The following RAB17 variants were observed in gnomAD, a reference collection of about 807,000 sequenced individuals.
RAB17 encodes RAB17, member RAS oncogene family.
A neutral mutation model predicts 19.3 loss-of-function variants in RAB17; 15 were observed. The observed-to-expected ratio is 0.78, with a 90% CI of 0.52 to 1.20. The LOEUF is 1.20. Ranked by LOEUF, RAB17 falls within the 50% of genes most tolerant of loss-of-function variation. The probability of loss-of-function intolerance (pLI) is 0.00; values close to 1 mark genes in which losing one functional copy is unlikely to be tolerated. For missense variants in RAB17, 262 were observed against 269.3 expected (o/e 0.97, Z 0.19); for synonymous variants, 110 against 112.8 (o/e 0.97, Z 0.16).
chr2:237,588,564 G>A (rs2081368746), intron 1 of RAB17, among the ~76,000 whole-genome samples: 1 of 152,176 alleles, frequency 6.6e-6, no homozygotes, highest in African/African-American at 2.4e-5. Flanking sequence ...GAAGGGGAAA[G>A]GGTAGCGGGG....
rs755742741 is a variant in RAB17, at chr2:237,586,041, C to A, written c.114G>T (p.Arg38=). Residue 38 remains arginine (R), a synonymous_variant, in exon 2 of 6, where the codon CGG becomes CGT. Coordinates refer to ENST00000264601, the MANE Select transcript of RAB17 (RefSeq NM_022449.4). ...GSVGKSSLAL[R]YVKNDFKSIL... ...TACTCTTGAAGTCGTTCTTCACGTA[C>A]CGAAGAGCCAAGCTGGACTTACCCA... The A allele has an allele frequency of 3.7e-6, 6 of 1,613,288 alleles. No homozygotes were observed. The highest frequency in any genetic ancestry group is 3.3e-4 in the Middle Eastern group (2 of 6,054).
chr2:237,586,069 G>A lies in RAB17; in HGVS notation c.86C>T (p.Ser29Phe), dbSNP rs1243824687. ...VFKLVLLGSG[S>F]VGKSSLALRY... The stretch of plus-strand genomic sequence containing the variant: ...AAGAGCCAAGCTGGACTTACCCACG[G>A]AGCCACTTCCCAGGAGAACCAGCTT... The change falls in exon 2 of 6, where the codon TCC becomes TTC. Residue 29 changes from serine to phenylalanine, a missense_variant. Transcript: ENST00000264601. The A allele has an allele frequency of 2.5e-6, 4 of 1,613,580 alleles. No homozygotes were observed. In the Admixed American group the frequency reaches 6.7e-5, roughly 27 times the overall value.
intron 5 of RAB17, 95 bp downstream of exon 5, chr2:237,575,292 T>G (rs530959758): frequency 8.9e-7 from 1 of 1,126,252 alleles, no homozygotes; most frequent in East Asian, 2.5e-5. Context: ...CTAAAGACAT[T>G]CTATGGGATA....
intron 4 of RAB17, chr2:237,576,592 G>C (rs1170704712): frequency 2.1e-6 from 1 of 471,160 alleles, no homozygotes; most frequent in Admixed American, 2.3e-5. Context: ...GCGCCCGTCG[G>C]TCTAAGCCCT....
In RAB17 at chr2:237,574,573, AC is replaced by A. The variant is rs2081245500; in HGVS notation, c.*445del. On this transcript the variant is annotated 3_prime_UTR_variant, in exon 6 of 6. Transcript: ENST00000264601. The stretch of plus-strand genomic sequence containing the variant: ...AGTCATCGCTCCATTTCTTCCTGGC[AC>A]CACCACCTCCATCTGGCCTGCTCCC... 2 of 1,549,184 alleles carry A rather than the reference AC, an allele frequency of 1.3e-6. No homozygotes were observed. The highest frequency in any genetic ancestry group is 1.7e-6 in the Non-Finnish European group (2 of 1,146,446).
chr2:237,583,656 C>T (rs925199429), intron 2 of RAB17, among the ~76,000 whole-genome samples: 12 of 152,214 alleles, frequency 7.9e-5, no homozygotes, highest in African/African-American at 2.2e-4. Flanking sequence ...CGTTGTGCCA[C>T]GGGCCACAGC....
At chr2:237,579,355 C>T (rs1001143173) in intron 2 of RAB17, 1 of 152,302 alleles carries the variant, frequency 6.6e-6, no homozygotes. Context: ...CAAATTTCTT[C>T]CTGCAGTTCT....
intron 4 of RAB17, chr2:237,576,819 C>T (rs577277423): frequency 9.4e-5 from 42 of 444,530 alleles, no homozygotes; most frequent in South Asian, 6.7e-4. Flanking sequence ...CACAGAAGCC[C>T]CTTCTGGGAA....
chr2:237,575,233 T>C, intron 5 of RAB17, 105 bp from the exon 6 acceptor site: 2 of 1,083,110 alleles, frequency 1.8e-6, no homozygotes, highest in Non-Finnish European at 2.7e-6. Context: ...GTGTTTACCC[T>C]GAACCATAGA....
At chr2:237,577,603 A>G in intron 3 of RAB17, 1 of 550,890 alleles carries the variant, frequency 1.8e-6, no homozygotes, top group South Asian at 2.3e-5. Context: ...GACACACATC[A>G]GATCCTTCAC....
chr2:237,587,527 T>C lies in RAB17; in HGVS notation c.-3-1370A>G, dbSNP rs144963803. ...GGCCACAGACTGGTCTGGTCTGCCC[T>C]GCAGGGATAAGAGGGGAGGGAATCA... On this transcript the variant is annotated intron_variant, in intron 1 of 5. Transcript: ENST00000264601. 5.1e-3 allele frequency among the ~76,000 whole-genome samples: 781 copies of C among 152,270 alleles called. 3 individuals are homozygous for C. Among genetic ancestry groups the C allele is most frequent in the Middle Eastern group, 0.024 (7 of 294 alleles).
intron 4 of RAB17, chr2:237,576,733 A>G (rs1188491426): frequency 2.1e-6 from 1 of 471,178 alleles, no homozygotes; most frequent in Non-Finnish European, 4.4e-6. Flanking sequence ...AAGAGAAACA[A>G]CAGCGACACC....
chr2:237,581,728 G>A (rs146349578), intron 2 of RAB17, among the ~76,000 whole-genome samples: 52 of 152,318 alleles, frequency 3.4e-4, no homozygotes, highest in African/African-American at 1.2e-3. Context: ...TTTTCTGGGG[G>A]CTCTAGGACG....
rs746347621 is a variant in RAB17, at chr2:237,575,376, AC to A, written c.529+10del. 3.1e-6 allele frequency: 5 copies of A among 1,599,754 alleles called. No homozygotes were observed. In the South Asian group the frequency reaches 5.5e-5, roughly 18 times the overall value. ...CCTCCCCCTTGTCTGGCCCACGGGG[AC>A]GTGACTCACCCACTGTATTGAACAC... On this transcript the variant is annotated intron_variant, in intron 5 of 5. Transcript: ENST00000264601.
intron 2 of RAB17, among the ~76,000 whole-genome samples, chr2:237,581,389 A>AT (rs1477684031): frequency 6.6e-6 from 1 of 151,094 alleles, no homozygotes; most frequent in Non-Finnish European, 1.5e-5. Flanking sequence ...AAAAAAAAAA[A>AT]GTTCCTCTAC....
chr2:237,583,185 A>T (rs553368083), intron 2 of RAB17, among the ~76,000 whole-genome samples: 9 of 152,190 alleles, frequency 5.9e-5, no homozygotes, highest in Non-Finnish European at 1.2e-4. Flanking sequence ...AAAAAATATA[A>T]AAATTAGCTG....
At chr2:237,575,561 T>A (rs1468291484) in intron 4 of RAB17, 81 bp from the exon 5 acceptor site, 6 of 1,091,834 alleles carry the variant, frequency 5.5e-6, no homozygotes, top group Non-Finnish European at 8.1e-6. Context: ...AACAGTAAGA[T>A]CCGAGAAAGC....
intron 1 of RAB17, among the ~76,000 whole-genome samples, 171 bp from the exon 2 acceptor site, chr2:237,586,328 A>AT (rs1361964627): frequency 2.0e-5 from 3 of 152,046 alleles, no homozygotes; most frequent in Non-Finnish European, 4.4e-5. Flanking sequence ...CCCATGCCCC[A>AT]TCTCCCCATC....
At chr2:237,583,273 G>C in intron 2 of RAB17, among the ~76,000 whole-genome samples, 1 of 152,182 alleles carries the variant, frequency 6.6e-6, no homozygotes, top group South Asian at 2.1e-4. Context: ...AGGAGGCAGA[G>C]GTTCCAGTGA....
Sources: allele counts gnomAD v4.1 joint callset (sites outside exome capture counted in the v4.1 genomes callset), GRCh38; gene constraint gnomAD v4.1.1; transcripts MANE v1.5; gene names NCBI Gene and HGNC (gene_info 2026-07-23, HGNC 2026-07-21).